Variants in LPP observed in about 807,000 individuals in gnomAD.
The protein encoded by LPP is lipoma-preferred partner.
Under a neutral mutation model 60.4 loss-of-function variants are expected in LPP, and 38 were observed. That is an observed-to-expected ratio of 0.63 (90% CI 0.49 to 0.83). The LOEUF (loss-of-function observed/expected upper bound fraction) is 0.83. Among genes scored for constraint, LPP ranks in the 40% least tolerant of loss-of-function variants. LPP has a pLI of 0.00. For missense variants in LPP, 902 were observed against 783.6 expected (o/e 1.15, Z -1.80); for synonymous variants, 328 against 290.8 (o/e 1.13, Z -1.30).
At chr3:188,478,837 C>A (rs953028857) in intron 4 of LPP, among the ~76,000 whole-genome samples, 7 of 152,044 alleles carry the variant, frequency 4.6e-5, no homozygotes, top group Admixed American at 1.3e-4. Flanking sequence ...CTCACTGCAA[C>A]CTCCGCCTCC....
intron 8 of LPP, chr3:188,725,575 G>T (rs537926563): frequency 6.6e-6 from 1 of 152,140 alleles, no homozygotes; most frequent in South Asian, 2.1e-4. Context: ...TTGTAAACAT[G>T]CTCTAAATAA....
At chr3:188,396,398 T>C (rs945666872) in intron 3 of LPP, among the ~76,000 whole-genome samples, 2 of 152,216 alleles carry the variant, frequency 1.3e-5, no homozygotes, top group African/African-American at 4.8e-5. Flanking sequence ...TCTCATGGCC[T>C]GACTAATGGT....
chr3:188,417,481 T>C (rs150638485), intron 4 of LPP, among the ~76,000 whole-genome samples: 3,870 of 152,114 alleles, frequency 0.025, 80 homozygotes, highest in Non-Finnish European at 0.042. Flanking sequence ...ATCCTGACCC[T>C]TGTAATTTTG....
At chr3:188,584,216 G>T (rs1013959655) in intron 6 of LPP, 1 of 151,988 alleles carries the variant, frequency 6.6e-6, no homozygotes, top group Non-Finnish European at 1.5e-5. Flanking sequence ...TAATAGTTCT[G>T]CACTTTGAAA....
chr3:188,562,607 C>T (rs547314233), intron 6 of LPP, among the ~76,000 whole-genome samples: 6 of 151,978 alleles, frequency 3.9e-5, no homozygotes, highest in Non-Finnish European at 7.4e-5. Flanking sequence ...TGTCAGCCTG[C>T]CAGATGGATC....
At chr3:188,309,671 A>G (rs1382068631) in intron 2 of LPP, among the ~76,000 whole-genome samples, 1 of 152,140 alleles carries the variant, frequency 6.6e-6, no homozygotes, top group Admixed American at 6.5e-5. Context: ...AATTCGATAA[A>G]ATAGGTTTAA....
intron 1 of LPP, among the ~76,000 whole-genome samples, chr3:188,155,175 T>A (rs1203269079): frequency 6.6e-6 from 1 of 151,902 alleles, no homozygotes; most frequent in Non-Finnish European, 1.5e-5. Flanking sequence ...CAGGGCAGAG[T>A]CTTTGGAACC....
chr3:188,289,035 T>A (rs1329189502), intron 2 of LPP, among the ~76,000 whole-genome samples: 2 of 152,094 alleles, frequency 1.3e-5, no homozygotes, highest in Non-Finnish European at 2.9e-5. Context: ...AATTGATGCC[T>A]TTTAGTGGGT....
chr3:188,319,843 G>T (rs191274066), intron 2 of LPP, among the ~76,000 whole-genome samples: 2 of 152,098 alleles, frequency 1.3e-5, no homozygotes, highest in South Asian at 2.1e-4. Context: ...AATGCCTTTC[G>T]TTTTTTTCCT....
intron 8 of LPP, among the ~76,000 whole-genome samples, chr3:188,719,317 T>C (rs192872672): frequency 9.5e-4 from 144 of 152,302 alleles, no homozygotes; most frequent in African/African-American, 3.3e-3. Context: ...AAACATTCTT[T>C]TCTTACGTTT....
At position 188,500,892 on chromosome 3, in the gene LPP, C is replaced by T. The variant is rs116767383; in HGVS notation, c.306+16188C>T. On this transcript the variant is annotated intron_variant, in intron 5 of 11. Transcript: ENST00000617246. ...TTTCTGTAGAATTGTTAGTAATGCC[C>T]CTACTTTTATTTTTGTCTTTTGTAG... 4.0e-3 allele frequency among the ~76,000 whole-genome samples: 612 copies of T among 152,052 alleles called. 3 individuals carry two copies. Among genetic ancestry groups the T allele is most frequent in the African/African-American group, 0.014 (594 of 41,494 alleles).
chr3:188,735,705 T>C (rs1274697017), intron 8 of LPP, among the ~76,000 whole-genome samples: 2 of 152,114 alleles, frequency 1.3e-5, no homozygotes, highest in Admixed American at 6.6e-5. Context: ...ATTTTAAAGT[T>C]ACAGAGAAAG....
At chr3:188,316,281 A>AAAAAC (rs1348174193) in intron 2 of LPP, among the ~76,000 whole-genome samples, 1 of 152,200 alleles carries the variant, frequency 6.6e-6, no homozygotes, top group African/African-American at 2.4e-5. Flanking sequence ...TCTGTCTCAA[A>AAAAAC]AAAACAAAAC....
At chr3:188,162,542 G>C (rs1353872619) in intron 1 of LPP, among the ~76,000 whole-genome samples, 2 of 152,172 alleles carry the variant, frequency 1.3e-5, no homozygotes, top group Non-Finnish European at 2.9e-5. Context: ...AAAGATCTGG[G>C]CTTCACCATA....
At chr3:188,328,876 A>G (rs911653627) in intron 2 of LPP, among the ~76,000 whole-genome samples, 1 of 152,184 alleles carries the variant, frequency 6.6e-6, no homozygotes, top group African/African-American at 2.4e-5. Flanking sequence ...GTACTCAAGG[A>G]CTGAGATTTA....
chr3:188,355,910 T>A (rs1364372382), intron 3 of LPP, among the ~76,000 whole-genome samples: 1 of 152,180 alleles, frequency 6.6e-6, no homozygotes, highest in Non-Finnish European at 1.5e-5. Flanking sequence ...GTTGCGTGTC[T>A]CCCACACCTC....
chr3:188,429,335 T>C (rs1185575028), intron 4 of LPP, among the ~76,000 whole-genome samples: 2 of 152,116 alleles, frequency 1.3e-5, no homozygotes, highest in African/African-American at 4.8e-5. Context: ...TAGGCACAAA[T>C]TTAATGAGAT....
chr3:188,392,544 TA>T (rs1779958013), intron 3 of LPP, among the ~76,000 whole-genome samples: 1 of 152,140 alleles, frequency 6.6e-6, no homozygotes, highest in African/African-American at 2.4e-5. Flanking sequence ...GGCTTATTCT[TA>T]AAAGGAAACA....
chr3:188,411,098 A>G (rs1784792264), intron 4 of LPP, among the ~76,000 whole-genome samples: 1 of 152,180 alleles, frequency 6.6e-6, no homozygotes, highest in African/African-American at 2.4e-5. Context: ...CATAGTGTAT[A>G]TATACCACAA....
Sources: gnomAD v4.1 joint callset for allele counts (sites outside exome capture counted in the v4.1 genomes callset) on GRCh38, gnomAD v4.1.1 for gene constraint, MANE v1.5 for transcripts, NCBI Gene and HGNC (gene_info 2026-07-23, HGNC 2026-07-21) for gene names.